The following PCDHGA9 variants were observed in gnomAD, a reference collection of about 807,000 sequenced individuals.
The protein encoded by PCDHGA9 is protocadherin gamma-A9.
In PCDHGA9, 37 loss-of-function variants were observed where a neutral mutation model predicts 62.5. That is an observed-to-expected ratio of 0.59 (90% CI 0.46 to 0.78). PCDHGA9 has a LOEUF of 0.78. PCDHGA9 is among the 30% of genes least tolerant of loss of function. The probability of loss-of-function intolerance (pLI) is 0.00; values close to 1 mark genes in which losing one functional copy is unlikely to be tolerated. For missense variants in PCDHGA9, 1,138 were observed against 1,166.2 expected (o/e 0.98, Z 0.35); for synonymous variants, 459 against 484.6 (o/e 0.95, Z 0.69).
chr5:141,433,017 A>G, intron 1 of PCDHGA9: 2 of 1,614,124 alleles, frequency 1.2e-6, no homozygotes, highest in Non-Finnish European at 8.5e-7. Context: ...CTGCAGACCT[A>G]TTCCCACGAG....
chr5:141,404,240 C>T lies in PCDHGA9; in HGVS notation c.1288C>T (p.Pro430Ser). ...GGTGACTGCAACAGACAGAGGAACTCCGCCCCTGTCCACAGAAATTCACAT... is the reference window on the plus strand; with the variant it reads ...GGTGACTGCAACAGACAGAGGAACTTCGCCCCTGTCCACAGAAATTCACAT... ...ITVTATDRGT[P>S]PLSTEIHITL... Residue 430 changes from proline to serine, a missense_variant, in exon 1 of 4, where the codon CCG becomes TCG. Pro to Ser is a moderately conservative substitution (Grantham distance 74). Transcript: ENST00000573521. The T allele has an allele frequency of 6.2e-7, 1 of 1,613,660 alleles. No individual in the cohort carries two copies. Among genetic ancestry groups the T allele is most frequent in the East Asian group, 2.2e-5 (1 of 44,874 alleles).
chr5:141,478,409 G>A, intron 1 of PCDHGA9: 1 of 1,613,016 alleles, frequency 6.2e-7, no homozygotes, highest in South Asian at 1.1e-5. Flanking sequence ...TCTCACCACG[G>A]ACTCCCGCCG....
At chr5:141,417,859 G>T (rs925593025) in intron 1 of PCDHGA9, 10 of 1,548,090 alleles carry the variant, frequency 6.5e-6, no homozygotes, top group African/African-American at 2.7e-5. Context: ...CCGAGCGAAC[G>T]ATGGGAGGGA....
At chr5:141,488,991 T>G in intron 1 of PCDHGA9, 1 of 414,332 alleles carries the variant, frequency 2.4e-6, no homozygotes, top group Non-Finnish European at 4.3e-6. Flanking sequence ...AGAGCTGAGG[T>G]GGGAGATCTG....
Position 141,490,644 on chromosome 5 carries a change from T to G in PCDHGA9, c.2425-4163T>G, listed in dbSNP as rs772742713. 1 of 1,614,188 alleles carries G rather than the reference T, an allele frequency of 6.2e-7. No individual in the cohort carries two copies. Among genetic ancestry groups the G allele is most frequent in the Non-Finnish European group, 8.5e-7 (1 of 1,180,016 alleles). The stretch of plus-strand genomic sequence containing the variant: ...CTGCTTACATCCTAGAAAACCGGCC[T>G]CCGGGCTCCCTTCTTTGCACTGTGG... On this transcript the variant is annotated intron_variant, in intron 1 of 3. Transcript: ENST00000573521. The surrounding 1 kb of genome is among the most constrained non-coding windows in gnomAD (Gnocchi z 5.4).
chr5:141,498,284 G>A (rs1339639509), intron 2 of PCDHGA9, among the ~76,000 whole-genome samples: 1 of 152,004 alleles, frequency 6.6e-6, no homozygotes, highest in Non-Finnish European at 1.5e-5. Flanking sequence ...CTTGGTTCAA[G>A]ATCAAGCCAG....
At chr5:141,422,568 C>A (rs372115955) in intron 1 of PCDHGA9, 5 of 1,613,904 alleles carry the variant, frequency 3.1e-6, no homozygotes, top group Admixed American at 3.3e-5. Context: ...CAGATGACAA[C>A]GATAACCCTC....
At chr5:141,433,767 G>A (rs1237334342) in intron 1 of PCDHGA9, among the ~76,000 whole-genome samples, 1 of 151,532 alleles carries the variant, frequency 6.6e-6, no homozygotes, top group East Asian at 1.9e-4. Flanking sequence ...AACCTGGGAG[G>A]TGGAGGTTGC....
intron 1 of PCDHGA9, among the ~76,000 whole-genome samples, chr5:141,455,803 A>G (rs1197986124): frequency 6.6e-6 from 1 of 152,068 alleles, no homozygotes; most frequent in Non-Finnish European, 1.5e-5. Context: ...TGCTTTAAAA[A>G]ATGAAAACTT....
At chr5:141,469,044 A>C (rs1247890388) in intron 1 of PCDHGA9, among the ~76,000 whole-genome samples, 1 of 152,128 alleles carries the variant, frequency 6.6e-6, no homozygotes, top group East Asian at 1.9e-4. Context: ...TGGGAGGCCA[A>C]GGTGGGAGGA....
In PCDHGA9 at chr5:141,432,866, G is replaced by A; in HGVS notation, c.2424+27490G>A. The A allele has an allele frequency of 6.2e-7, 1 of 1,614,152 alleles. No individual in the cohort carries two copies. The highest frequency in any genetic ancestry group is 8.5e-7 in the Non-Finnish European group (1 of 1,180,008). On this transcript the variant is annotated intron_variant, in intron 1 of 3. Transcript: ENST00000573521. This position sits in a 1 kb window ranked among gnomAD's most constrained non-coding sequence, Gnocchi z 6.0. ...GGTAGCGGTGGCCGCGGTCTCCTGC[G>A]TCTTCCTGGCCTTCGTCATCTTGCT...
chr5:141,413,198 C>G, intron 1 of PCDHGA9: 1 of 1,611,416 alleles, frequency 6.2e-7, no homozygotes, highest in Non-Finnish European at 8.5e-7. Context: ...AGGAATCGCT[C>G]AAAGGAATCA....
intron 1 of PCDHGA9, chr5:141,409,837 C>T (rs182654621): frequency 2.2e-5 from 36 of 1,611,350 alleles, no homozygotes; most frequent in Non-Finnish European, 2.9e-5. Context: ...TCAGCGCCAA[C>T]GTGAGCCTGC....
At chr5:141,423,617 A>T (rs1426014397) in intron 1 of PCDHGA9, 3 of 1,608,486 alleles carry the variant, frequency 1.9e-6, no homozygotes, top group Admixed American at 1.7e-5. Flanking sequence ...ATAGCTGAAG[A>T]CTCAGCTATC....
intron 1 of PCDHGA9, chr5:141,419,715 T>C: frequency 6.2e-7 from 1 of 1,613,288 alleles, no homozygotes. Flanking sequence ...CTCTTCAGCC[T>C]GGGGCTGCGA....
chr5:141,507,578 C>T (rs1268451710), intron 3 of PCDHGA9, among the ~76,000 whole-genome samples: 1 of 152,220 alleles, frequency 6.6e-6, no homozygotes, highest in East Asian at 1.9e-4. Context: ...GAGGAGATGC[C>T]AAGTTGGCCT....
At position 141,413,888 on chromosome 5, in the gene PCDHGA9, A is replaced by G. The variant is rs777389288; in HGVS notation, c.2424+8512A>G. On this transcript the variant is annotated intron_variant, in intron 1 of 3. Transcript: ENST00000573521. Reference sequence around the variant, plus strand: ...GTCCTTGTCAGTGTGACTGTCTTCGATGCAAATGACAACGCGCCGGTCTTC... The same window carrying G: ...GTCCTTGTCAGTGTGACTGTCTTCGGTGCAAATGACAACGCGCCGGTCTTC... The G allele has an allele frequency of 2.5e-5, 40 of 1,613,256 alleles. No individual in the cohort carries two copies. Among genetic ancestry groups the G allele is most frequent in the Non-Finnish European group, 3.4e-5 (40 of 1,179,886 alleles).
In PCDHGA9 at chr5:141,432,357, T is replaced by C. The variant is rs778669079; in HGVS notation, c.2424+26981T>C. 6.2e-7 allele frequency: 1 copy of C among 1,614,244 alleles called. No homozygotes were observed. Among genetic ancestry groups the C allele is most frequent in the African/African-American group, 1.3e-5 (1 of 75,072 alleles). The stretch of plus-strand genomic sequence containing the variant: ...TTCCGAGACTTGCAAGTGAAAGTGA[T>C]GGCGCGGGACAACGGGCACCCGCCC... On this transcript the variant is annotated intron_variant, in intron 1 of 3. Coordinates refer to ENST00000573521, the MANE Select transcript of PCDHGA9 (RefSeq NM_018921.3). This position sits in a 1 kb window ranked among gnomAD's most constrained non-coding sequence, Gnocchi z 6.0.
chr5:141,409,018 G>A (rs369210340), intron 1 of PCDHGA9: 31 of 1,613,814 alleles, frequency 1.9e-5, no homozygotes, highest in Non-Finnish European at 2.5e-5. Context: ...AGGATGAGGG[G>A]GTCAATGCTG....
Sources: gnomAD v4.1 joint callset for allele counts (sites outside exome capture counted in the v4.1 genomes callset) on GRCh38, gnomAD v4.1.1 for gene constraint, Gnocchi (gnomAD v3.1) non-coding constraint, MANE v1.5 for transcripts, NCBI Gene and HGNC (gene_info 2026-07-23, HGNC 2026-07-21) for gene names.